OGDH: variants seen among roughly 807,000 people sequenced by gnomAD.
OGDH encodes 2-oxoglutarate dehydrogenase complex component E1.
OGDH carries 38 observed loss-of-function variants against 116.6 expected under a neutral mutation model. The ratio of observed to expected loss-of-function variants is 0.33; its 90% CI spans 0.25 to 0.43. The LOEUF (loss-of-function observed/expected upper bound fraction) is 0.43. Ranked by LOEUF, OGDH falls within the 20% of genes least tolerant of loss-of-function variation. The pLI, the probability that OGDH is intolerant of heterozygous loss-of-function variation, is 1.00. For synonymous variants in OGDH, 488 were observed against 533.3 expected (o/e 0.92, Z 1.17); for missense variants, 825 against 1,357.2 (o/e 0.61, Z 6.16).
chr7:44,654,517 T>C (rs1472108535), intron 4 of OGDH, among the ~76,000 whole-genome samples: 3 of 152,218 alleles, frequency 2.0e-5, no homozygotes, highest in Non-Finnish European at 4.4e-5. Context: ...TAATTAGCTT[T>C]TGTAATTTCA....
intron 18 of OGDH, 127 bp downstream of exon 18, chr7:44,698,390 G>A (rs898280264): frequency 2.2e-6 from 2 of 928,354 alleles, no homozygotes; most frequent in African/African-American, 3.3e-5. Context: ...CCATCCTGGG[G>A]AGCTCACGTG....
At chr7:44,637,319 A>G (rs540670339) in intron 2 of OGDH, among the ~76,000 whole-genome samples, 39 of 151,950 alleles carry the variant, frequency 2.6e-4, no homozygotes, top group African/African-American at 9.4e-4. Context: ...TTCCTCTCCC[A>G]TCCCACTTGT....
At chr7:44,703,114 C>CT (rs1038409469) in intron 20 of OGDH, among the ~76,000 whole-genome samples, 22 of 151,062 alleles carry the variant, frequency 1.5e-4, no homozygotes, top group African/African-American at 4.6e-4. Context: ...GTCAGAATTT[C>CT]TTTTTTTTTA....
intron 2 of OGDH, among the ~76,000 whole-genome samples, chr7:44,625,928 G>T (rs1332956550): frequency 6.6e-6 from 1 of 152,190 alleles, no homozygotes; most frequent in South Asian, 2.1e-4. Context: ...CGCTGTGATG[G>T]TGCCACTGCA....
chr7:44,659,510 T>C (rs969996660), intron 4 of OGDH, among the ~76,000 whole-genome samples: 13 of 152,320 alleles, frequency 8.5e-5, no homozygotes, highest in Non-Finnish European at 1.5e-4. Context: ...GCAAAATCAT[T>C]TGGGCTTAGA....
rs747980798 is a variant in OGDH, at chr7:44,697,496, G to A, written c.2178G>A (p.Leu726=). ...CNSSLSEYGV[L]GFELGFAMAS... ...GCTCACTGTCTGAGTACGGCGTGCT[G>A]GGTGAGTGCCTGGAGCCACACCACC... Residue 726 remains leucine (L), a splice_region_variant and synonymous_variant, in exon 16 of 23, where the codon CTG becomes CTA. Coordinates refer to ENST00000222673, the MANE Select transcript of OGDH (RefSeq NM_002541.4). This position sits in a 1 kb window ranked among gnomAD's most constrained non-coding sequence, Gnocchi z 6.0. The A allele has an allele frequency of 1.9e-6, 3 of 1,613,924 alleles. No homozygotes were observed. Among genetic ancestry groups the A allele is most frequent in the Non-Finnish European group, 8.5e-7 (1 of 1,179,994 alleles).
In OGDH at chr7:44,697,840, C is replaced by A; in HGVS notation, c.2358+58C>A. 1 of 1,547,498 alleles carries A rather than the reference C, an allele frequency of 6.5e-7. No individual in the cohort carries two copies. The highest frequency in any genetic ancestry group is 1.4e-5 in the African/African-American group (1 of 72,910). On this transcript the variant is annotated intron_variant, in intron 17 of 22. Transcript: ENST00000222673. This position sits in a 1 kb window ranked among gnomAD's most constrained non-coding sequence, Gnocchi z 6.0. ...GACTTGGGAAGGGCCTGTGTAGGACCCTGACCCCAAAGACTGGCACGAGAG... is the reference window on the plus strand; with the variant it reads ...GACTTGGGAAGGGCCTGTGTAGGACACTGACCCCAAAGACTGGCACGAGAG...
intron 1 of OGDH, among the ~76,000 whole-genome samples, chr7:44,622,392 C>T (rs1016967025): frequency 2.0e-5 from 3 of 152,076 alleles, no homozygotes; most frequent in African/African-American, 7.2e-5. Flanking sequence ...GATTGCATTC[C>T]CTAATTATAT....
Position 44,672,637 on chromosome 7 carries a change from G to GTTTTTTTTTTTTTTTTTTTTT in OGDH, c.634-1144_634-1143insTTTTTTTTTTTTTTTTTTTTT, listed in dbSNP as rs1175741464. Among the ~76,000 whole-genome samples the GTTTTTTTTTTTTTTTTTTTTT allele has an allele frequency of 1.5e-5, 2 of 135,840 alleles. 1 individual carries two copies. Among genetic ancestry groups the GTTTTTTTTTTTTTTTTTTTTT allele is most frequent in the African/African-American group, 6.0e-5 (2 of 33,146 alleles). 89.1% of individuals were successfully genotyped at this position (135,840 alleles called of 152,430 possible). A position where few individuals can be genotyped will look rare whatever the true frequency, so the allele number is the denominator to read the frequency against. On this transcript the variant is annotated intron_variant, in intron 5 of 22. Coordinates refer to ENST00000222673, the MANE Select transcript of OGDH (RefSeq NM_002541.4). ...GGCAGCCCGAGAGGGATTTCTTTTT[G>GTTTTTTTTTTTTTTTTTTTTT]TTTTTTGTTTTTTTTTTTTTTTTGA...
At position 44,704,993 on chromosome 7, in the gene OGDH, G is replaced by A. The variant is rs548390224; in HGVS notation, c.2633-2232G>A. Among the ~76,000 whole-genome samples, 5 of 151,486 alleles carry A rather than the reference G, an allele frequency of 3.3e-5. No individual in the cohort carries two copies. The South Asian group carries it at 1.0e-3, about 32-fold the overall frequency. On this transcript the variant is annotated intron_variant, in intron 20 of 22. Transcript: ENST00000222673. ...CCCAAAGTGCTGGGATTACAGGCGT[G>A]AGGCACTGCACCTGGCCTGTTGTTA...
Position 44,652,357 on chromosome 7 carries a change from G to T in OGDH, c.517+4598G>T, listed in dbSNP as rs186363970. Among the ~76,000 whole-genome samples, 494 of 152,020 alleles carry T rather than the reference G, an allele frequency of 3.2e-3. 2 individuals are homozygous for T. The highest frequency in any genetic ancestry group is 0.015 in the South Asian group (72 of 4,810). On this transcript the variant is annotated intron_variant, in intron 4 of 22. Transcript: ENST00000222673. ...ACTCCTGACCTCAGGTGATGCCCTC[G>T]CCTCAGCCTCCCAAAGTGCTGGGAT... is the stretch of plus-strand genomic sequence containing the variant.
Position 44,708,002 on chromosome 7 carries a change from G to T in OGDH, c.*3G>T, listed in dbSNP as rs201340595. 5.3e-5 allele frequency: 85 copies of T among 1,612,056 alleles called. No homozygotes were observed. In the East Asian group the frequency reaches 1.8e-3, roughly 35 times the overall value. Reference sequence around the variant, plus strand: ...ACGTCTTCAAGAACTTCTCGTAGATGCTGCCTAGGGTTGCTTGGGCCACTG... The same window carrying T: ...ACGTCTTCAAGAACTTCTCGTAGATTCTGCCTAGGGTTGCTTGGGCCACTG... On this transcript the variant is annotated 3_prime_UTR_variant, in exon 23 of 23. Transcript: ENST00000222673.
At chr7:44,686,304 A>T (rs941070689) in intron 10 of OGDH, among the ~76,000 whole-genome samples, 1 of 152,200 alleles carries the variant, frequency 6.6e-6, no homozygotes, top group East Asian at 1.9e-4. Context: ...GATGTCCCTT[A>T]CCATGGCTAG....
intron 10 of OGDH, among the ~76,000 whole-genome samples, chr7:44,689,254 C>T (rs1788268158): frequency 7.2e-6 from 1 of 138,376 alleles, no homozygotes; most frequent in Admixed American, 7.8e-5. Context: ...CTTACCCCGT[C>T]ACCCACGCTG....
intron 18 of OGDH, 118 bp from the exon 19 acceptor site, chr7:44,700,023 T>G: frequency 8.8e-7 from 1 of 1,132,096 alleles, no homozygotes; most frequent in Non-Finnish European, 1.3e-6. Context: ...GAGATTACAA[T>G]TCAACATGAG....
At chr7:44,680,539 TACACAC>T (rs56718274) in intron 9 of OGDH, among the ~76,000 whole-genome samples, 18,381 of 145,894 alleles carry the variant, frequency 0.13, 2,388 homozygotes, top group East Asian at 0.34. Context: ...TTTTATTGCA[TACACAC>T]ACACACACAC....
chr7:44,649,649 G>A (rs1475189346), intron 4 of OGDH, among the ~76,000 whole-genome samples: 1 of 152,098 alleles, frequency 6.6e-6, no homozygotes, highest in African/African-American at 2.4e-5. Flanking sequence ...ATAACCAGGG[G>A]AGCTCTAAAG....
intron 4 of OGDH, among the ~76,000 whole-genome samples, chr7:44,651,537 T>C (rs1415632166): frequency 2.6e-5 from 4 of 152,180 alleles, no homozygotes; most frequent in Non-Finnish European, 5.9e-5. Flanking sequence ...GTAAAAAATA[T>C]TGTTGAGATG....
chr7:44,656,202 G>A (rs957793679), intron 4 of OGDH: 3 of 966,908 alleles, frequency 3.1e-6, no homozygotes, highest in Admixed American at 4.1e-5. Context: ...TGGTGTCTGT[G>A]CTACCTGTTA....
Sources: allele counts gnomAD v4.1 joint callset (sites outside exome capture counted in the v4.1 genomes callset), GRCh38; gene constraint gnomAD v4.1.1; non-coding constraint Gnocchi (gnomAD v3.1); transcripts MANE v1.5; gene names NCBI Gene and HGNC (gene_info 2026-07-23, HGNC 2026-07-21).